The following DIS3L2 variants were observed in gnomAD, a reference collection of about 807,000 sequenced individuals.
DIS3L2 encodes DIS3-like exonuclease 2.
A neutral mutation model predicts 97.5 loss-of-function variants in DIS3L2; 34 were observed. The observed-to-expected ratio is 0.35, with a 90% CI of 0.27 to 0.46. DIS3L2 has a LOEUF of 0.46. DIS3L2 is among the 20% of genes least tolerant of loss of function. The pLI, the probability that DIS3L2 is intolerant of heterozygous loss-of-function variation, is 1.00. For missense variants in DIS3L2, 1,038 were observed against 1,146.0 expected (o/e 0.91, Z 1.36); for synonymous variants, 435 against 445.2 (o/e 0.98, Z 0.29).
intron 3 of DIS3L2, 99 bp downstream of exon 3, chr2:232,015,770 C>A: frequency 7.1e-7 from 1 of 1,401,384 alleles, no homozygotes; most frequent in Non-Finnish European, 9.7e-7. Context: ...TTCAGAGAGA[C>A]GATGATGTAA....
rs116539348 is a variant in DIS3L2, at chr2:232,314,962, C to G, written c.1739+14843C>G. On this transcript the variant is annotated intron_variant, in intron 14 of 20. Coordinates refer to ENST00000325385, the MANE Select transcript of DIS3L2 (RefSeq NM_152383.5). ...CAGAAGGTCCTGGAATGACTCGTTT[C>G]TCTCTCTGCCTCTCTGGGTATTTCT... Among the ~76,000 whole-genome samples the G allele has an allele frequency of 6.7e-3, 1,023 of 152,340 alleles. 10 individuals carry two copies. Among genetic ancestry groups the G allele is most frequent in the African/African-American group, 0.023 (968 of 41,568 alleles).
intron 6 of DIS3L2, among the ~76,000 whole-genome samples, chr2:232,128,480 G>A (rs1226973224): frequency 9.3e-5 from 2 of 21,558 alleles, no homozygotes; most frequent in African/African-American, 3.7e-4. Context: ...TTTTTTTTTT[G>A]GAGAGACAGG....
At chr2:232,318,934 G>A (rs1452189471) in intron 14 of DIS3L2, among the ~76,000 whole-genome samples, 1 of 152,142 alleles carries the variant, frequency 6.6e-6, no homozygotes, top group Non-Finnish European at 1.5e-5. Flanking sequence ...GAAACCCCAG[G>A]AGCATTCCAG....
At chr2:232,254,559 A>G (rs1405537669) in intron 12 of DIS3L2, among the ~76,000 whole-genome samples, 1 of 152,234 alleles carries the variant, frequency 6.6e-6, no homozygotes, top group Non-Finnish European at 1.5e-5. Context: ...AACTAAACAG[A>G]AAATAAAAGC....
At chr2:231,984,667 A>C (rs1440996037) in intron 1 of DIS3L2, among the ~76,000 whole-genome samples, 1 of 151,940 alleles carries the variant, frequency 6.6e-6, no homozygotes. Context: ...TGCTGGGATT[A>C]CAGGCGTGAG....
chr2:232,092,710 A>T (rs1696881439), intron 6 of DIS3L2, among the ~76,000 whole-genome samples: 1 of 152,136 alleles, frequency 6.6e-6, no homozygotes, highest in African/African-American at 2.4e-5. Flanking sequence ...TGCTGTTAGC[A>T]TATAGAAATG....
intron 14 of DIS3L2, among the ~76,000 whole-genome samples, chr2:232,320,771 C>T (rs1315157962): frequency 6.6e-6 from 1 of 152,228 alleles, no homozygotes; most frequent in Non-Finnish European, 1.5e-5. Flanking sequence ...TTCCCCCAAA[C>T]ATTTCACCAG....
chr2:232,107,917 C>A (rs1439535978), intron 6 of DIS3L2, among the ~76,000 whole-genome samples: 2 of 152,126 alleles, frequency 1.3e-5, no homozygotes. Context: ...AACCTACCAA[C>A]CGAAGAAAGC....
Position 232,058,556 on chromosome 2 carries a change from A to G in DIS3L2, c.366+28476A>G, listed in dbSNP as rs75668915. On this transcript the variant is annotated intron_variant, in intron 5 of 20. Coordinates refer to ENST00000325385, the MANE Select transcript of DIS3L2 (RefSeq NM_152383.5). ...GTCTACTATGCCTAACCTTTATGCT[A>G]TGTACTGGGATGTCACTGTCACCAA... Among the ~76,000 whole-genome samples the G allele has an allele frequency of 8.0e-3, 1,214 of 152,274 alleles. 10 individuals carry two copies. The highest frequency in any genetic ancestry group is 0.013 in the Admixed American group (204 of 15,294).
chr2:232,294,716 A>T (rs1052270100), intron 13 of DIS3L2, among the ~76,000 whole-genome samples: 6 of 152,208 alleles, frequency 3.9e-5, no homozygotes, highest in African/African-American at 1.4e-4. Flanking sequence ...CCCAGTGATT[A>T]GCAACATGGA....
intron 12 of DIS3L2, among the ~76,000 whole-genome samples, chr2:232,253,593 T>C (rs1306118660): frequency 1.3e-5 from 2 of 152,062 alleles, no homozygotes; most frequent in African/African-American, 2.4e-5. Flanking sequence ...GTAATCATAA[T>C]AGTAGATTGA....
chr2:232,294,922 C>G (rs1305502025), intron 13 of DIS3L2, among the ~76,000 whole-genome samples: 1 of 152,148 alleles, frequency 6.6e-6, no homozygotes, highest in East Asian at 1.9e-4. Context: ...CAGCCGCTTC[C>G]TTCTGTTTTC....
intron 9 of DIS3L2, among the ~76,000 whole-genome samples, chr2:232,190,878 T>C (rs1691602379): frequency 6.6e-6 from 1 of 152,036 alleles, no homozygotes; most frequent in African/African-American, 2.4e-5. Flanking sequence ...AAGGCAGATA[T>C]TAGAAGAGTT....
At position 232,281,930 on chromosome 2, in the gene DIS3L2, T is replaced by A. The variant is rs1315855517; in HGVS notation, c.1660-18110T>A. 2.0e-5 allele frequency among the ~76,000 whole-genome samples: 3 copies of A among 151,740 alleles called. No individual in the cohort carries two copies. The highest frequency in any genetic ancestry group is 4.4e-5 in the Non-Finnish European group (3 of 67,760). ...CCTCCCAAAGTACAGCAGGAAGGACTAGAAGCAATATGAAATCTAATTGGC... is the reference window on the plus strand; with the variant it reads ...CCTCCCAAAGTACAGCAGGAAGGACAAGAAGCAATATGAAATCTAATTGGC... On this transcript the variant is annotated intron_variant, in intron 13 of 20. Coordinates refer to ENST00000325385, the MANE Select transcript of DIS3L2 (RefSeq NM_152383.5). The surrounding 1 kb of genome is among the most constrained non-coding windows in gnomAD (Gnocchi z 4.1).
chr2:232,238,679 T>A, intron 11 of DIS3L2, 34 bp downstream of exon 11: 1 of 1,549,310 alleles, frequency 6.5e-7, no homozygotes. Context: ...TTTTTCTTGC[T>A]TTGTTTATTT....
chr2:232,056,259 T>A (rs1695547528), intron 5 of DIS3L2, among the ~76,000 whole-genome samples: 1 of 151,974 alleles, frequency 6.6e-6, no homozygotes, highest in African/African-American at 2.4e-5. Context: ...TAGTCACAGC[T>A]ACTCAGGAGG....
intron 4 of DIS3L2, 29 bp downstream of exon 4, chr2:232,024,359 T>G (rs771333993): frequency 1.1e-5 from 17 of 1,529,240 alleles, no homozygotes; most frequent in Non-Finnish European, 1.5e-5. Context: ...TAATAAACTT[T>G]ATGTCACATT....
intron 1 of DIS3L2, among the ~76,000 whole-genome samples, chr2:231,987,677 G>C (rs1693456536): frequency 6.6e-6 from 1 of 152,192 alleles, no homozygotes; most frequent in Admixed American, 6.5e-5. Flanking sequence ...TATTTCCCTG[G>C]AGTCTGTAGA....
chr2:232,335,955 C>T, intron 20 of DIS3L2, 81 bp downstream of exon 20: 2 of 1,543,512 alleles, frequency 1.3e-6, no homozygotes, highest in Non-Finnish European at 8.7e-7. Context: ...ATTCCTTCAT[C>T]TGTGTCCCCT....
Sources: gnomAD v4.1 joint callset for allele counts (sites outside exome capture counted in the v4.1 genomes callset) on GRCh38, gnomAD v4.1.1 for gene constraint, Gnocchi (gnomAD v3.1) non-coding constraint, MANE v1.5 for transcripts, NCBI Gene and HGNC (gene_info 2026-07-23, HGNC 2026-07-21) for gene names.